The following PIK3C2G variants were observed in gnomAD, a reference collection of about 807,000 sequenced individuals.
The protein encoded by PIK3C2G is phosphatidylinositol 3-kinase C2 domain-containing subunit gamma.
In PIK3C2G, 168 loss-of-function variants were observed where a neutral mutation model predicts 181.1. The observed-to-expected ratio is 0.93, with a 90% CI of 0.82 to 1.05. PIK3C2G has a LOEUF of 1.05. Among genes scored for constraint, PIK3C2G ranks in the 50% least tolerant of loss-of-function variants. The pLI is 0.00. For missense variants in PIK3C2G, 1,869 were observed against 1,732.8 expected (o/e 1.08, Z -1.40); for synonymous variants, 573 against 592.2 (o/e 0.97, Z 0.47).
chr12:18,465,862 C>T (rs2028982), intron 18 of PIK3C2G, among the ~76,000 whole-genome samples: 1 of 151,370 alleles, frequency 6.6e-6, no homozygotes, highest in African/African-American at 2.4e-5. Context: ...GGGATACTGT[C>T]TCTTTCATTA....
chr12:18,684,723 G>A, the PIK3C2G span, among the ~76,000 whole-genome samples: 1 of 152,026 alleles, frequency 6.6e-6, no homozygotes, highest in Non-Finnish European at 1.5e-5. Flanking sequence ...AGAAAATTAA[G>A]TAACATCATT....
chr12:18,269,793 TAAATA>T (rs1219908049), intron 1 of PIK3C2G, among the ~76,000 whole-genome samples: 3 of 152,058 alleles, frequency 2.0e-5, no homozygotes, highest in Admixed American at 6.6e-5. Context: ...TAGAATCAGT[TAAATA>T]AAATAGACAA....
At chr12:18,412,669 T>A (rs1457329707) in intron 16 of PIK3C2G, among the ~76,000 whole-genome samples, 1 of 152,234 alleles carries the variant, frequency 6.6e-6, no homozygotes, top group Non-Finnish European at 1.5e-5. Flanking sequence ...TTCTTAAATG[T>A]CCTGAATTTA....
At chr12:18,381,996 G>T (rs1205565887) in intron 14 of PIK3C2G, 116 bp downstream of exon 14, 1 of 679,172 alleles carries the variant, frequency 1.5e-6, no homozygotes, top group Non-Finnish European at 2.7e-6. Flanking sequence ...AGCCTTCTCT[G>T]CCTCCAGCCT....
At chr12:18,550,121 A>T (rs890531401) in intron 26 of PIK3C2G, among the ~76,000 whole-genome samples, 1 of 152,088 alleles carries the variant, frequency 6.6e-6, no homozygotes, top group African/African-American at 2.4e-5. Context: ...TACATCAAGC[A>T]CTGAGGATCT....
rs747191371 is a variant in PIK3C2G, at chr12:18,346,743, C to T, written c.1532C>T (p.Pro511Leu). The T allele has an allele frequency of 6.8e-6, 11 of 1,613,362 alleles. No individual in the cohort carries two copies. The highest frequency in any genetic ancestry group is 5.9e-6 in the Non-Finnish European group (7 of 1,179,438). The change falls in exon 11 of 33, where the codon CCT becomes CTT. Residue 511 changes from proline (P) to leucine (L), a missense_variant. Physicochemically the swap from Pro to Leu is moderately conservative, Grantham distance 98. Coordinates refer to ENST00000538779, the MANE Select transcript of PIK3C2G (RefSeq NM_001288772.2). ...GCAGATTTTCAGCCTGTAAATGTAC[C>T]TAGATGCACTTCCTATCTAAATCCC... ...FYADFQPVNV[P>L]RCTSYLNPGL...
chr12:18,487,096 T>TTGTGTGTGTG (rs35440588), intron 18 of PIK3C2G, among the ~76,000 whole-genome samples: 12,819 of 142,050 alleles, frequency 0.09, 686 homozygotes, highest in South Asian at 0.17. Context: ...TTGAGGTATT[T>TTGTGTGTGTG]TGTGTGTGTG....
chr12:18,673,438 A>C, the PIK3C2G span, among the ~76,000 whole-genome samples: 1 of 152,174 alleles, frequency 6.6e-6, no homozygotes, highest in African/African-American at 2.4e-5. Flanking sequence ...TTTTACATCC[A>C]TTATGGAATT....
intron 31 of PIK3C2G, among the ~76,000 whole-genome samples, chr12:18,620,527 CAGATAGATAGATAGAT>C (rs72448986): frequency 6.4e-4 from 95 of 148,176 alleles, no homozygotes; most frequent in Admixed American, 1.2e-3. Context: ...ATTAGACAGA[CAGATAGATAGATAGAT>C]AGATAGATAG....
intron 5 of PIK3C2G, among the ~76,000 whole-genome samples, chr12:18,303,120 T>TTCTTTCTTTCTTTC: frequency 9.3e-6 from 1 of 107,342 alleles, no homozygotes. Context: ...CTTTCCTTCT[T>TTCTTTCTTTCTTTC]TCTTTCTTTC....
Position 18,282,139 on chromosome 12 carries a change from GA to G in PIK3C2G, c.60del (p.Glu20AspfsTer8), listed in dbSNP as rs754946366. Reference protein sequence around the residue: ...NPNESHEKQYEHQEFLFVNQP... With the variant: ...NPNESHEKQYXHQEFLFVNQP... ...TAATGAATCACACGAAAAGCAGTAT[GA>G]ACACCAAGAATTTCTCTTTGTAAAT... is the stretch of plus-strand genomic sequence containing the variant. On this transcript the variant is annotated frameshift_variant, in exon 2 of 33. Transcript: ENST00000538779. LOFTEE classifies it high-confidence loss of function. The G allele has an allele frequency of 2.2e-5, 36 of 1,609,068 alleles. No homozygotes were observed. Among genetic ancestry groups the G allele is most frequent in the Middle Eastern group, 1.6e-4 (1 of 6,080 alleles).
intron 12 of PIK3C2G, among the ~76,000 whole-genome samples, chr12:18,365,076 T>A (rs1216634669): frequency 6.6e-6 from 1 of 152,122 alleles, no homozygotes; most frequent in East Asian, 1.9e-4. Context: ...AAAGAAAAAA[T>A]TCTGAATGCT....
chr12:18,317,654 T>G (rs957723973), intron 6 of PIK3C2G, among the ~76,000 whole-genome samples: 2 of 152,198 alleles, frequency 1.3e-5, no homozygotes, highest in Non-Finnish European at 2.9e-5. Context: ...GAGGGGCTAG[T>G]GATAGTGCTT....
intron 28 of PIK3C2G, among the ~76,000 whole-genome samples, chr12:18,565,805 T>A (rs1208781652): frequency 6.6e-6 from 1 of 152,164 alleles, no homozygotes; most frequent in Non-Finnish European, 1.5e-5. Flanking sequence ...GACGTAGACT[T>A]CTGTTTTGTT....
chr12:18,292,210 C>CAAAAAAAA lies in PIK3C2G; in HGVS notation c.919+1209_919+1216dup, dbSNP rs745371375. ...GGGCAACAAGAGCAAAACTCCATCT[C>CAAAAAAAA]AAAAAAAAAAAAAAAAAATATATAT... On this transcript the variant is annotated intron_variant, in intron 4 of 32. Transcript: ENST00000538779. 1.7e-3 allele frequency among the ~76,000 whole-genome samples: 49 copies of CAAAAAAAA among 28,602 alleles called. 2 individuals are homozygous for CAAAAAAAA. Among genetic ancestry groups the CAAAAAAAA allele is most frequent in the Admixed American group, 2.5e-3 (4 of 1,584 alleles). The allele number at this position is 28,602 out of a possible 152,430, so 18.8% of individuals were successfully genotyped here.
intron 29 of PIK3C2G, among the ~76,000 whole-genome samples, chr12:18,571,847 A>G (rs1241452032): frequency 6.6e-6 from 1 of 150,860 alleles, no homozygotes. Flanking sequence ...TACACTTGCT[A>G]CTGTCATTGA....
chr12:18,377,011 T>C (rs1013268253), intron 13 of PIK3C2G, among the ~76,000 whole-genome samples: 1 of 152,200 alleles, frequency 6.6e-6, no homozygotes, highest in Non-Finnish European at 1.5e-5. Context: ...GACACAAGAA[T>C]AGCCTACACA....
chr12:18,500,240 GCGGC>G (rs923861468), intron 22 of PIK3C2G, among the ~76,000 whole-genome samples: 1 of 151,880 alleles, frequency 6.6e-6, no homozygotes, highest in Admixed American at 6.5e-5. Context: ...CGCACTCGGA[GCGGC>G]CGGCCGGCCC....
chr12:18,708,542 G>T, the PIK3C2G span, among the ~76,000 whole-genome samples: 1 of 152,110 alleles, frequency 6.6e-6, no homozygotes. Flanking sequence ...GGATTACTGG[G>T]TCATATGGTG....
Sources: allele counts gnomAD v4.1 joint callset (sites outside exome capture counted in the v4.1 genomes callset), GRCh38; gene constraint gnomAD v4.1.1; transcripts MANE v1.5; gene names NCBI Gene and HGNC (gene_info 2026-07-23, HGNC 2026-07-21).